Variants in FAT1 observed in about 807,000 individuals in gnomAD.
FAT1 encodes FAT atypical cadherin 1.
A neutral mutation model predicts 329.8 loss-of-function variants in FAT1; 171 were observed. The ratio of observed to expected loss-of-function variants is 0.52; its 90% confidence interval spans 0.46 to 0.59. The LOEUF is 0.59. Among genes scored for constraint, FAT1 ranks in the 20% least tolerant of loss-of-function variants. FAT1 has a pLI of 0.00. For synonymous variants in FAT1, 2,233 were observed against 2,228.6 expected (o/e 1.00, Z -0.06); for missense variants, 5,672 against 5,774.4 (o/e 0.98, Z 0.57).
chr4:186,721,629 G>C (rs1414140604), intron 1 of FAT1, among the ~76,000 whole-genome samples: 1 of 152,032 alleles, frequency 6.6e-6, no homozygotes, highest in Non-Finnish European at 1.5e-5. Context: ...GTACTAATTT[G>C]ATTTGGCTGA....
At chr4:186,636,996 A>G in intron 4 of FAT1, 82 bp from the exon 5 acceptor site, 2 of 1,256,296 alleles carry the variant, frequency 1.6e-6, no homozygotes, top group Non-Finnish European at 2.2e-6. Context: ...GCTACTCCGC[A>G]TGTGTGTAAA....
chr4:186,663,052 G>A (rs1226384129), intron 3 of FAT1, among the ~76,000 whole-genome samples: 2 of 152,136 alleles, frequency 1.3e-5, no homozygotes, highest in African/African-American at 4.8e-5. Context: ...TAGCCAGGAT[G>A]GTCTCGATCT....
intron 1 of FAT1, among the ~76,000 whole-genome samples, chr4:186,713,792 C>G (rs1173918779): frequency 6.6e-6 from 1 of 152,082 alleles, no homozygotes; most frequent in East Asian, 1.9e-4. Context: ...ACTATAGGTG[C>G]GTCTGTAGAT....
rs994987243 is a variant in FAT1, at chr4:186,621,028, C to G, written c.5558G>C (p.Gly1853Ala). 16 of 1,612,508 alleles carry G rather than the reference C, an allele frequency of 9.9e-6. No homozygotes were observed. In the African/African-American group the frequency reaches 1.9e-4, roughly 19 times the overall value. ...ATACTCAGCAAATAAACGTGGGGTT[C>G]CCATGTCATGCACTTGGACGGTAAA... ...FHFTVQVHDMGTPRLFAEYAA... is the reference protein window; with the variant it reads ...FHFTVQVHDMATPRLFAEYAA... The change falls in exon 10 of 27, where the codon GGA becomes GCA. Residue 1853 changes from glycine (G) to alanine (A), a missense_variant. This residue lies in a region of FAT1 where 3,966 missense variants were observed against 3,915.2 expected (regional missense o/e 1.01). Coordinates refer to ENST00000441802, the MANE Select transcript of FAT1 (RefSeq NM_005245.4).
At chr4:186,654,505 C>T (rs1741812757) in intron 3 of FAT1, among the ~76,000 whole-genome samples, 1 of 152,180 alleles carries the variant, frequency 6.6e-6, no homozygotes, top group Non-Finnish European at 1.5e-5. Context: ...AGGGAACAGG[C>T]ATGAGACAGC....
intron 7 of FAT1, among the ~76,000 whole-genome samples, chr4:186,631,988 C>T (rs1371619694): frequency 6.7e-6 from 1 of 149,022 alleles, no homozygotes; most frequent in East Asian, 2.0e-4. Context: ...AACAGGTCAA[C>T]CTGGGCTACT....
chr4:186,712,807 C>T (rs1293971391), intron 1 of FAT1, among the ~76,000 whole-genome samples: 1 of 102,158 alleles, frequency 9.8e-6, no homozygotes, highest in African/African-American at 4.8e-5. Flanking sequence ...GCTGTGATGA[C>T]TAAAAATACC....
intron 2 of FAT1, among the ~76,000 whole-genome samples, chr4:186,666,169 A>G (rs1742430214): frequency 7.9e-6 from 1 of 126,982 alleles, no homozygotes; most frequent in South Asian, 3.1e-4. Context: ...CATGTACCCT[A>G]GAACTTAAAG....
intron 3 of FAT1, among the ~76,000 whole-genome samples, chr4:186,647,974 C>T (rs371081401): frequency 1.1e-4 from 17 of 152,070 alleles, no homozygotes; most frequent in Middle Eastern, 3.2e-3. Context: ...CACTCATGGG[C>T]GGACTGTGAA....
At chr4:186,723,406 G>A (rs760707564) in intron 1 of FAT1, among the ~76,000 whole-genome samples, 1 of 152,208 alleles carries the variant, frequency 6.6e-6, no homozygotes, top group Admixed American at 6.5e-5. Context: ...GAAAGGATCG[G>A]ACCCCAGCAA....
intron 3 of FAT1, among the ~76,000 whole-genome samples, chr4:186,643,687 C>T (rs1741209276): frequency 6.6e-6 from 1 of 152,068 alleles, no homozygotes; most frequent in Non-Finnish European, 1.5e-5. Context: ...CCGGGGAACG[C>T]TACCCGAACC....
chr4:186,588,660 C>T lies in FAT1; in HGVS notation c.13699G>A (p.Gly4567Arg), dbSNP rs765280609. The T allele has an allele frequency of 8.1e-6, 13 of 1,613,852 alleles. No individual in the cohort carries two copies. The highest frequency in any genetic ancestry group is 4.5e-5 in the East Asian group (2 of 44,886). Residue 4567 changes from glycine (G) to arginine (R), a missense_variant, in exon 27 of 27, where the codon GGG becomes AGG. This residue lies in a region of FAT1 where 1,706 missense variants were observed against 1,859.1 expected (regional missense o/e 0.92). Transcript: ENST00000441802. ...SEVMMSDYESGDDGHFEEVTI... is the reference protein window; with the variant it reads ...SEVMMSDYESRDDGHFEEVTI... ...ACCTCTTCGAAGTGGCCGTCGTCCC[C>T]GCTCTCATAGTCACTCATCATGACC...
intron 3 of FAT1, among the ~76,000 whole-genome samples, chr4:186,644,368 C>T (rs1741258852): frequency 6.6e-6 from 1 of 152,182 alleles, no homozygotes; most frequent in Non-Finnish European, 1.5e-5. Context: ...TCATCTTCCT[C>T]TTCTGCCAAG....
In FAT1 at chr4:186,707,474, G is replaced by A. The variant is rs1391065224; in HGVS notation, c.2354C>T (p.Thr785Ile). ...GGTAATATTCAGGGTGTATTTGTCT[G>A]TTGTTTCACGGTCAAGAGGAGATAA... Reference protein sequence around the residue: ...KILSPLDRETTDKYTLNITVY... With the variant: ...KILSPLDRETIDKYTLNITVY... The change falls in exon 2 of 27, where the codon ACA becomes ATA. Residue 785 changes from threonine (T) to isoleucine (I), a missense_variant. Physicochemically the swap from Thr to Ile is moderately conservative, Grantham distance 89. Coordinates refer to ENST00000441802, the MANE Select transcript of FAT1 (RefSeq NM_005245.4). 2 of 1,614,050 alleles carry A rather than the reference G, an allele frequency of 1.2e-6. No individual in the cohort carries two copies. The highest frequency in any genetic ancestry group is 1.7e-6 in the Non-Finnish European group (2 of 1,179,908).
intron 2 of FAT1, among the ~76,000 whole-genome samples, chr4:186,694,958 T>C (rs1463587800): frequency 1.3e-5 from 2 of 152,144 alleles, no homozygotes; most frequent in Non-Finnish European, 2.9e-5. Flanking sequence ...CGAGACTCCA[T>C]CTCAAAACAA....
chr4:186,701,981 TGAGGCCAGGAGCCGACCCCCACACAG>T (rs1744344011), intron 2 of FAT1, among the ~76,000 whole-genome samples: 1 of 98,658 alleles, frequency 1.0e-5, no homozygotes, highest in South Asian at 4.1e-4. Context: ...GACACAGGGA[TGAGGCCAGGAGCCGACCCCCACACAG>T]GTGACACAGA....
rs1447629192 is a variant in FAT1, at chr4:186,621,340, G to T, written c.5246C>A (p.Thr1749Lys). ...GTNMAGLSTN[T>K]TVLVHLQDEN... ...ATCCTGCAAGTGAACTAGAACCGTT[G>T]TATTAGTGGACAAACCAGCCATGTT... The change falls in exon 10 of 27, where the codon ACA becomes AAA. Residue 1749 changes from threonine to lysine, a missense_variant. Thr to Lys is a moderately conservative substitution (Grantham distance 78). Coordinates refer to ENST00000441802, the MANE Select transcript of FAT1 (RefSeq NM_005245.4). 1.2e-6 allele frequency: 2 copies of T among 1,613,872 alleles called. No homozygotes were observed. Among genetic ancestry groups the T allele is most frequent in the African/African-American group, 2.7e-5 (2 of 74,924 alleles).
In FAT1 at chr4:186,708,201, A is replaced by C; in HGVS notation, c.1627T>G (p.Trp543Gly). The C allele has an allele frequency of 6.2e-7, 1 of 1,614,054 alleles. No individual in the cohort carries two copies. The highest frequency in any genetic ancestry group is 8.5e-7 in the Non-Finnish European group (1 of 1,179,902). The change falls in exon 2 of 27, where the codon TGG becomes GGG. Residue 543 changes from tryptophan (W) to glycine (G), a missense_variant. Transcript: ENST00000441802. ...VYTLRIRASD[W>G]GLPYRREVEV... ...ACTTCCCGGCGGTACGGCAAGCCCC[A>C]GTCTGATGCACGAATCCTCAGAGTA...
upstream of FAT1, among the ~76,000 whole-genome samples, chr4:186,725,502 G>A (rs1745689587): frequency 6.6e-6 from 1 of 151,702 alleles, no homozygotes; most frequent in Admixed American, 6.6e-5. This position sits in a 1 kb window ranked among gnomAD's most constrained non-coding sequence, Gnocchi z 5.4. Context: ...ACATCTGTCT[G>A]GGAATCCCGA....
Sources: gnomAD v4.1 joint callset for allele counts (sites outside exome capture counted in the v4.1 genomes callset) on GRCh38, gnomAD v4.1.1 for gene constraint, gnomAD v4.1.1 regional missense constraint, Gnocchi (gnomAD v3.1) non-coding constraint, MANE v1.5 for transcripts, NCBI Gene and HGNC (gene_info 2026-07-23, HGNC 2026-07-21) for gene names.